TENM2: variants seen among roughly 807,000 people sequenced by gnomAD.
TENM2 encodes teneurin transmembrane protein 2.
Under a neutral mutation model 245.2 loss-of-function variants are expected in TENM2, and 52 were observed. The observed-to-expected ratio is 0.21, with a 90% confidence interval of 0.17 to 0.27. The LOEUF (loss-of-function observed/expected upper bound fraction) is 0.27, where lower values mean the gene tolerates loss of function less well. TENM2 is among the 10% of genes least tolerant of loss of function. TENM2 has a pLI of 1.00. For synonymous variants in TENM2, 1,363 were observed against 1,438.9 expected, an observed-to-expected ratio of 0.95 and a Z score of 1.19; for missense variants, 3,046 against 3,666.8, an observed-to-expected ratio of 0.83 and a Z score of 4.37.
intron 5 of TENM2, among the ~76,000 whole-genome samples, chr5:168,045,138 TCTC>T (rs1788505739): frequency 6.6e-6 from 1 of 152,184 alleles, no homozygotes. Context: ...CTTTTCCCCT[TCTC>T]CACCTCCATC....
chr5:167,964,618 C>G (rs779246372), intron 4 of TENM2, among the ~76,000 whole-genome samples: 1 of 152,144 alleles, frequency 6.6e-6, no homozygotes, highest in Non-Finnish European at 1.5e-5. Flanking sequence ...TACACCATGA[C>G]AAATGCAGTA....
At chr5:167,709,979 C>T (rs1758797661) in intron 2 of TENM2, among the ~76,000 whole-genome samples, 2 of 152,170 alleles carry the variant, frequency 1.3e-5, no homozygotes, top group African/African-American at 4.8e-5. Flanking sequence ...GTTGGGATCT[C>T]GAACTTCTGG....
chr5:167,215,879 G>T, the TENM2 span, among the ~76,000 whole-genome samples: 1 of 152,200 alleles, frequency 6.6e-6, no homozygotes, highest in Non-Finnish European at 1.5e-5. Context: ...ACAGTTGATT[G>T]ATCTTTTTTT....
intron 2 of TENM2, among the ~76,000 whole-genome samples, chr5:167,491,662 C>T (rs1419373727): frequency 1.3e-5 from 2 of 152,096 alleles, no homozygotes; most frequent in Non-Finnish European, 2.9e-5. Flanking sequence ...TTTTGTTTTG[C>T]TATATACCTA....
chr5:167,239,993 C>T, the TENM2 span, among the ~76,000 whole-genome samples: 1 of 152,202 alleles, frequency 6.6e-6, no homozygotes, highest in African/African-American at 2.4e-5. Context: ...AGGCTGGTCT[C>T]CAACTCCTGA....
chr5:167,105,974 G>A, the TENM2 span, among the ~76,000 whole-genome samples: 1 of 144,618 alleles, frequency 6.9e-6, no homozygotes, highest in African/African-American at 2.6e-5. Flanking sequence ...TTTGAGAAAT[G>A]TGAAGTATTA....
At chr5:167,747,836 T>C (rs1761697393) in intron 2 of TENM2, among the ~76,000 whole-genome samples, 1 of 152,184 alleles carries the variant, frequency 6.6e-6, no homozygotes, top group Admixed American at 6.5e-5. Context: ...CTTCCTATTC[T>C]TATCTCTGTT....
the TENM2 span, among the ~76,000 whole-genome samples, chr5:167,147,355 T>C: frequency 6.6e-6 from 1 of 152,184 alleles, no homozygotes; most frequent in Non-Finnish European, 1.5e-5. Context: ...CTTTGTGCCT[T>C]TACCAAAAGG....
intron 2 of TENM2, among the ~76,000 whole-genome samples, chr5:167,515,017 A>C (rs1213561975): frequency 6.6e-6 from 1 of 152,134 alleles, no homozygotes; most frequent in Non-Finnish European, 1.5e-5. Context: ...TCTCAAAAGC[A>C]AACAAACAAA....
the TENM2 span, among the ~76,000 whole-genome samples, chr5:167,206,819 T>C: frequency 6.6e-6 from 1 of 152,178 alleles, no homozygotes; most frequent in African/African-American, 2.4e-5. Flanking sequence ...ATCAAAACAC[T>C]TGATTAGCAG....
intron 2 of TENM2, among the ~76,000 whole-genome samples, chr5:167,822,782 G>C (rs1010634301): frequency 2.0e-5 from 3 of 152,162 alleles, no homozygotes; most frequent in Non-Finnish European, 4.4e-5. Context: ...CTAGCTAATT[G>C]TAGGGGGGCT....
chr5:167,968,138 G>A (rs1043302973), intron 4 of TENM2, among the ~76,000 whole-genome samples: 2 of 152,044 alleles, frequency 1.3e-5, no homozygotes, highest in African/African-American at 2.4e-5. Context: ...CTCAGCTGCA[G>A]CTGCATCCTT....
At chr5:168,237,106 C>T (rs1452811842) in intron 25 of TENM2, among the ~76,000 whole-genome samples, 19 of 140,612 alleles carry the variant, frequency 1.4e-4, no homozygotes, top group Non-Finnish European at 2.5e-4. Flanking sequence ...ACCTCCACCT[C>T]CCGGGTTCAA....
intron 5 of TENM2, among the ~76,000 whole-genome samples, chr5:168,034,131 A>T (rs964427164): frequency 9.4e-6 from 1 of 106,878 alleles, no homozygotes; most frequent in Non-Finnish European, 2.1e-5. Context: ...GTATATATAT[A>T]TATGTATACA....
At chr5:168,235,637 T>C (rs1183116293) in intron 25 of TENM2, among the ~76,000 whole-genome samples, 1 of 152,084 alleles carries the variant, frequency 6.6e-6, no homozygotes, top group Admixed American at 6.6e-5. Context: ...CGAAACCCCA[T>C]CTCTACTAAA....
In TENM2 at chr5:168,199,749, C is replaced by T. The variant is rs1428038924; in HGVS notation, c.3163-115C>T. 3 of 1,132,380 alleles carry T rather than the reference C, an allele frequency of 2.6e-6. No homozygotes were observed. The East Asian group carries it at 7.1e-5, about 27-fold the overall frequency. 70.1% of individuals were successfully genotyped at this position (1,132,380 alleles called of 1,614,324 possible). A position where few individuals can be genotyped will look rare whatever the true frequency, so the allele number is the denominator to read the frequency against. ...TCAGTGGTGGTAAGTGGTTCTTGCA[C>T]CCACATAAGATGTGATGCCTCAGTG... is the stretch of plus-strand genomic sequence containing the variant. On this transcript the variant is annotated intron_variant, in intron 16 of 28. Transcript: ENST00000518659.
the TENM2 span, among the ~76,000 whole-genome samples, chr5:167,035,836 G>A: frequency 3.3e-5 from 5 of 152,160 alleles, no homozygotes; most frequent in Admixed American, 2.0e-4. Context: ...GCCGCCTCCC[G>A]GGTTCAAGCG....
chr5:167,478,411 T>C (rs946899216), intron 2 of TENM2, among the ~76,000 whole-genome samples: 1 of 152,226 alleles, frequency 6.6e-6, no homozygotes, highest in Non-Finnish European at 1.5e-5. Context: ...ATTTTAATGA[T>C]GCTGGAAATG....
At chr5:167,552,316 A>G (rs921753952) in intron 2 of TENM2, among the ~76,000 whole-genome samples, 2 of 152,202 alleles carry the variant, frequency 1.3e-5, no homozygotes, top group Non-Finnish European at 2.9e-5. Flanking sequence ...TTTTCAGTAC[A>G]TCAGAAAACT....
Sources: allele counts gnomAD v4.1 joint callset (sites outside exome capture counted in the v4.1 genomes callset), GRCh38; gene constraint gnomAD v4.1.1; transcripts MANE v1.5; gene names NCBI Gene and HGNC (gene_info 2026-07-23, HGNC 2026-07-21).